Variants in WBP11 observed in about 807,000 individuals in gnomAD.
The protein encoded by WBP11 is WW domain binding protein 11.
WBP11 carries 12 observed loss-of-function variants against 66.7 expected under a neutral mutation model. That is an observed-to-expected ratio of 0.18 (90% CI 0.12 to 0.29). The LOEUF (loss-of-function observed/expected upper bound fraction) is 0.29, where lower values mean the gene tolerates loss of function less well. Among genes scored for constraint, WBP11 ranks in the 10% least tolerant of loss-of-function variants. The probability of loss-of-function intolerance (pLI) is 1.00; values close to 1 mark genes in which losing one functional copy is unlikely to be tolerated. For synonymous variants in WBP11, 255 were observed against 273.8 expected (o/e 0.93, Z 0.68); for missense variants, 555 against 818.3 (o/e 0.68, Z 3.93).
Position 14,795,016 on chromosome 12 carries a change from G to C in WBP11, c.476C>G (p.Pro159Arg). ...SNILIQDIPL[P>R]GAQPPSILKK... is the part of the protein sequence containing the mutation. ...TAGGATAGAGGGTGGCTGGGCACCA[G>C]GAAGTGGAATGTCCTGGATCAAAAT... The change falls in exon 6 of 12, where the codon CCT becomes CGT. Residue 159 changes from proline to arginine, a missense_variant. Pro to Arg is a moderately radical substitution (Grantham distance 103). Coordinates refer to ENST00000261167, the MANE Select transcript of WBP11 (RefSeq NM_016312.3). 6.2e-7 allele frequency: 1 copy of C among 1,612,552 alleles called. No individual in the cohort carries two copies. The highest frequency in any genetic ancestry group is 8.5e-7 in the Non-Finnish European group (1 of 1,180,030).
chr12:14,798,748 T>C (rs1368969859), intron 4 of WBP11, among the ~76,000 whole-genome samples: 1 of 152,182 alleles, frequency 6.6e-6, no homozygotes, highest in Non-Finnish European at 1.5e-5. Flanking sequence ...TACTTACTAC[T>C]CTGTTTTTGG....
chr12:14,787,295 G>A lies in WBP11; in HGVS notation c.1696C>T (p.Pro566Ser). Residue 566 changes from proline to serine, a missense_variant, in exon 12 of 12, where the codon CCA becomes TCA. Around this residue, in one of 6 missense-constraint regions of WBP11, gnomAD observed 7 missense variants for 28.1 expected, o/e 0.25. Transcript: ENST00000261167. Reference protein sequence around the residue: ...KKATATISAKPQITNPKAEIT... With the variant: ...KKATATISAKSQITNPKAEIT... The stretch of plus-strand genomic sequence containing the variant: ...TCTGCCTTGGGATTAGTGATCTGTG[G>A]CTTGGCACTGATGGTTGCTGTGGCT... 6.2e-7 allele frequency: 1 copy of A among 1,614,190 alleles called. No individual in the cohort carries two copies. Among genetic ancestry groups the A allele is most frequent in the Non-Finnish European group, 8.5e-7 (1 of 1,180,040 alleles).
rs779515528 is a variant in WBP11, at chr12:14,787,443, T to C, written c.1548A>G (p.Gly516=). Residue 516 remains glycine, a synonymous_variant, in exon 12 of 12, where the codon GGA becomes GGG. Coordinates refer to ENST00000261167, the MANE Select transcript of WBP11 (RefSeq NM_016312.3). ...MMRPPLVPPL[G]PAPPGLFPPA... is the part of the protein sequence containing the mutation. ...GTGGGAACAGCCCAGGGGGGGCAGGTCCAAGGGGAGGCACCAAAGGTGGGC... is the reference window on the plus strand; with the variant it reads ...GTGGGAACAGCCCAGGGGGGGCAGGCCCAAGGGGAGGCACCAAAGGTGGGC... 2 of 1,535,846 alleles carry C rather than the reference T, an allele frequency of 1.3e-6. No individual in the cohort carries two copies. The highest frequency in any genetic ancestry group is 1.8e-6 in the Non-Finnish European group (2 of 1,140,516).
intron 11 of WBP11, among the ~76,000 whole-genome samples, chr12:14,788,472 G>C (rs141246503): frequency 9.2e-4 from 139 of 150,760 alleles, no homozygotes; most frequent in Middle Eastern, 6.8e-3. Flanking sequence ...GTACCACTGA[G>C]AGAGAGAGAG....
rs1200479838 is a variant in WBP11 at position 14,791,262 on chromosome 12, C to T, written c.922G>A (p.Val308Ile). Reference sequence around the variant, plus strand: ...TTTCCAGGCATATCTGCAAACCGTACACTCAGACCTAAGGGGACAAAGGAG... The same window carrying T: ...TTTCCAGGCATATCTGCAAACCGTATACTCAGACCTAAGGGGACAAAGGAG... ...NNEEKKSGLS[V>I]RFADMPGKSR... is the part of the protein sequence containing the mutation. Residue 308 changes from valine (V) to isoleucine (I), a missense_variant, in exon 9 of 12, where the codon GTA (valine) becomes ATA (isoleucine). Physicochemically the swap from Val to Ile is conservative, Grantham distance 29 (BLOSUM62 3). Transcript: ENST00000261167. 2.5e-6 allele frequency: 4 copies of T among 1,613,958 alleles called. No homozygotes were observed. Among genetic ancestry groups the T allele is most frequent in the Admixed American group, 1.7e-5 (1 of 60,014 alleles).
chr12:14,799,574 C>T (rs1172409091), intron 4 of WBP11, 61 bp downstream of exon 4: 16 of 1,512,308 alleles, frequency 1.1e-5, no homozygotes, highest in East Asian at 9.2e-5. Context: ...CTGCTTCACT[C>T]GTTACCTGCC....
chr12:14,790,444 G>A lies in WBP11; in HGVS notation c.1309+12C>T, dbSNP rs768814538. On this transcript the variant is annotated intron_variant, in intron 10 of 11. Transcript: ENST00000261167. ...CTCATTTAAACTTTATTCACATTATGTAAGTGTTTACCTGGAGGTGGACCA... is the reference window on the plus strand; with the variant it reads ...CTCATTTAAACTTTATTCACATTATATAAGTGTTTACCTGGAGGTGGACCA... 5.0e-6 allele frequency: 8 copies of A among 1,612,640 alleles called. No homozygotes were observed. In the South Asian group the frequency reaches 6.6e-5, roughly 13 times the overall value.
intron 2 of WBP11, chr12:14,801,021 A>C (rs1200783572): frequency 2.1e-6 from 1 of 473,558 alleles, no homozygotes; most frequent in South Asian, 4.6e-5. Flanking sequence ...CTGAAGGAAA[A>C]ACATAACATA....
chr12:14,794,408 AT>A, intron 7 of WBP11, 128 bp downstream of exon 7: 1 of 972,966 alleles, frequency 1.0e-6, no homozygotes, highest in East Asian at 2.4e-5. Context: ...ATCCAACTGT[AT>A]GTATATTAGT....
chr12:14,794,478 TA>T, intron 7 of WBP11, 58 bp downstream of exon 7: 1 of 1,593,738 alleles, frequency 6.3e-7, no homozygotes, highest in South Asian at 1.1e-5. Context: ...AACAATATGT[TA>T]AACAGGGCCA....
Position 14,785,811 on chromosome 12 carries a change from A to C in WBP11, c.*1254T>G, listed in dbSNP as rs564037326. The C allele has an allele frequency of 3.3e-5, 5 of 152,340 alleles. No homozygotes were observed. The highest frequency in any genetic ancestry group is 1.2e-4 in the African/African-American group (5 of 41,584). The allele number at this position is 152,340 out of a possible 1,614,324, so 9.4% of individuals were successfully genotyped here. On this transcript the variant is annotated 3_prime_UTR_variant, in exon 12 of 12. Coordinates refer to ENST00000261167, the MANE Select transcript of WBP11 (RefSeq NM_016312.3). ...ACGCACTGTGTGTATGTGTTTATGA[A>C]ATACACACTTTGGATCACTGGATAA...
Position 14,787,428 on chromosome 12 carries a change from C to T in WBP11, c.1563G>A (p.Gly521=). The stretch of plus-strand genomic sequence containing the variant: ...TTGGCAAGGGAGCTGGTGGGAACAG[C>T]CCAGGGGGGGCAGGTCCAAGGGGAG... ...LVPPLGPAPP[G]LFPPAPLPNP... The change falls in exon 12 of 12, where the codon GGG becomes GGA. Residue 521 remains glycine (G), a synonymous_variant. Coordinates refer to ENST00000261167, the MANE Select transcript of WBP11 (RefSeq NM_016312.3). 1 of 1,553,716 alleles carries T rather than the reference C, an allele frequency of 6.4e-7. No homozygotes were observed. The highest frequency in any genetic ancestry group is 8.7e-7 in the Non-Finnish European group (1 of 1,147,656).
At position 14,800,684 on chromosome 12, in the gene WBP11, A is replaced by G. The variant is rs1478239901; in HGVS notation, c.96+68T>C. 5 of 1,377,512 alleles carry G rather than the reference A, an allele frequency of 3.6e-6. No individual in the cohort carries two copies. The African/African-American group carries it at 7.3e-5, about 20-fold the overall frequency. 85.3% of individuals were successfully genotyped at this position (1,377,512 alleles called of 1,614,324 possible). A position where few individuals can be genotyped will look rare whatever the true frequency, so the allele number is the denominator to read the frequency against. On this transcript the variant is annotated intron_variant, in intron 3 of 11. Coordinates refer to ENST00000261167, the MANE Select transcript of WBP11 (RefSeq NM_016312.3). Reference sequence around the variant, plus strand: ...TATTAGAAATGTTATTCTGAAACCCACTAATCCCAAATCACAAGATGTACC... The same window carrying G: ...TATTAGAAATGTTATTCTGAAACCCGCTAATCCCAAATCACAAGATGTACC...
intron 2 of WBP11, 99 bp from the exon 3 acceptor site, chr12:14,800,882 C>T: frequency 9.5e-7 from 1 of 1,047,728 alleles, no homozygotes; most frequent in Non-Finnish European, 1.4e-6. Flanking sequence ...TGGAAAGTTA[C>T]AGTATGCACT....
At chr12:14,791,399 G>C in intron 8 of WBP11, 129 bp from the exon 9 acceptor site, 1 of 629,890 alleles carries the variant, frequency 1.6e-6, no homozygotes. Flanking sequence ...GGATGAGATA[G>C]CTATACTAAT....
At chr12:14,799,918 A>C (rs973899315) in intron 3 of WBP11, among the ~76,000 whole-genome samples, 190 bp from the exon 4 acceptor site, 1 of 152,230 alleles carries the variant, frequency 6.6e-6, no homozygotes, top group Non-Finnish European at 1.5e-5. Flanking sequence ...TGCTATTTTT[A>C]AGATGTGCTT....
chr12:14,787,746 T>C (rs1365595382), intron 11 of WBP11, among the ~76,000 whole-genome samples: 1 of 152,166 alleles, frequency 6.6e-6, no homozygotes, highest in Non-Finnish European at 1.5e-5. Context: ...ACATCCTACT[T>C]TAAAATATAA....
intron 4 of WBP11, among the ~76,000 whole-genome samples, chr12:14,797,647 A>C (rs1377093303): frequency 6.6e-6 from 1 of 152,202 alleles, no homozygotes; most frequent in African/African-American, 2.4e-5. Flanking sequence ...CTTCCTTTTC[A>C]GTGAATGACT....
Position 14,793,792 on chromosome 12 carries a change from G to C in WBP11, c.852C>G (p.Asp284Glu). ...SDTDKSDGES[D>E]GDEFVHRDNG... Reference sequence around the variant, plus strand: ...TATCACGGTGCACAAATTCATCCCCGTCACTTTCTCCATCTGATTTGTCGG... The same window carrying C: ...TATCACGGTGCACAAATTCATCCCCCTCACTTTCTCCATCTGATTTGTCGG... Residue 284 changes from aspartate (D) to glutamate (E), a missense_variant, in exon 8 of 12, where the codon GAC becomes GAG. Coordinates refer to ENST00000261167, the MANE Select transcript of WBP11 (RefSeq NM_016312.3). The C allele has an allele frequency of 2.5e-6, 4 of 1,613,648 alleles. No individual in the cohort carries two copies. Among genetic ancestry groups the C allele is most frequent in the Non-Finnish European group, 3.4e-6 (4 of 1,179,876 alleles).
Sources: allele counts gnomAD v4.1 joint callset (sites outside exome capture counted in the v4.1 genomes callset), GRCh38; gene constraint gnomAD v4.1.1; regional missense constraint gnomAD v4.1.1; transcripts MANE v1.5; gene names NCBI Gene and HGNC (gene_info 2026-07-23, HGNC 2026-07-21).